Variants in SIPA1L2 observed in about 807,000 individuals in gnomAD.
SIPA1L2 encodes signal induced proliferation associated 1 like 2.
SIPA1L2 carries 56 observed loss-of-function variants against 163.9 expected under a neutral mutation model. That is an observed-to-expected ratio of 0.34 (90% confidence interval 0.28 to 0.43). SIPA1L2 has a LOEUF of 0.43. Ranked by LOEUF, SIPA1L2 falls within the 20% of genes least tolerant of loss-of-function variation. The probability of loss-of-function intolerance (pLI) is 1.00; values close to 1 mark genes in which losing one functional copy is unlikely to be tolerated. For synonymous variants in SIPA1L2, 877 were observed against 865.7 expected (o/e 1.01, Z -0.23); for missense variants, 1,974 against 2,193.5 (o/e 0.90, Z 2.00).
chr1:232,570,311 A>G (rs964596629), intron 2 of SIPA1L2, among the ~76,000 whole-genome samples: 1 of 152,222 alleles, frequency 6.6e-6, no homozygotes, highest in African/African-American at 2.4e-5. Flanking sequence ...TAACTTCGCC[A>G]ATGGGAAAAT....
chr1:232,578,260 G>GA (rs11341816), intron 1 of SIPA1L2, among the ~76,000 whole-genome samples: 14,276 of 145,990 alleles, frequency 0.098, 723 homozygotes, highest in South Asian at 0.12. Flanking sequence ...AAATGCACTG[G>GA]AAAAAAAAAA....
chr1:232,588,190 G>C (rs1050768339), intron 1 of SIPA1L2, among the ~76,000 whole-genome samples: 7 of 152,172 alleles, frequency 4.6e-5, no homozygotes, highest in Non-Finnish European at 1.0e-4. Flanking sequence ...GCACCTGTGG[G>C]GTGGACCTAT....
intron 13 of SIPA1L2, 28 bp from the exon 14 acceptor site, chr1:232,441,422 T>C (rs763527597): frequency 6.5e-7 from 1 of 1,549,656 alleles, no homozygotes. Flanking sequence ...AGGAGTTGAA[T>C]TTCCAATTTC....
chr1:232,618,128 A>G (rs1207876907), intron 1 of SIPA1L2, among the ~76,000 whole-genome samples: 3 of 152,208 alleles, frequency 2.0e-5, no homozygotes, highest in Non-Finnish European at 2.9e-5. Flanking sequence ...GGGAAAGTAT[A>G]TGGTGATTAC....
At chr1:232,521,044 G>A (rs921161389) in intron 2 of SIPA1L2, among the ~76,000 whole-genome samples, 13 of 152,110 alleles carry the variant, frequency 8.5e-5, no homozygotes, top group African/African-American at 2.7e-4. Flanking sequence ...ATTTTTGCCT[G>A]GTAAGTTTTT....
Position 232,515,171 on chromosome 1 carries a change from T to C in SIPA1L2, c.169A>G (p.Asn57Asp), listed in dbSNP as rs1667167091. The change falls in exon 3 of 23, where the codon AAT becomes GAT. Residue 57 changes from asparagine to aspartate, a missense_variant. By Grantham distance (23) the Asn-to-Asp change is conservative. Coordinates refer to ENST00000674635, the MANE Select transcript of SIPA1L2 (RefSeq NM_020808.5). ...GCCGGACCACCACCGCCAGTCTCAT[T>C]GGAATTCGAGGCATTTAAAGAAGTA... ...PTTSLNASNS[N>D]ETGGGGPANG... 6.2e-7 allele frequency: 1 copy of C among 1,614,158 alleles called. No homozygotes were observed. Among genetic ancestry groups the C allele is most frequent in the Admixed American group, 1.7e-5 (1 of 60,020 alleles).
In SIPA1L2 at chr1:232,465,509, CATAT is replaced by C; in HGVS notation, c.2244-97_2244-94del. 9.7e-6 allele frequency: 9 copies of C among 924,252 alleles called. No individual in the cohort carries two copies. Among genetic ancestry groups the C allele is most frequent in the Non-Finnish European group, 1.3e-5 (8 of 608,622 alleles). 57.3% of individuals were successfully genotyped at this position (924,252 alleles called of 1,614,324 possible). ...TGACATATATATACACACACACACACATATACATACACACACACACACACATATA... is the reference window on the plus strand; with the variant it reads ...TGACATATATATACACACACACACACACATACACACACACACACACATATA... On this transcript the variant is annotated intron_variant, in intron 8 of 22. Coordinates refer to ENST00000674635, the MANE Select transcript of SIPA1L2 (RefSeq NM_020808.5). This position sits in a 1 kb window ranked among gnomAD's most constrained non-coding sequence, Gnocchi z 4.1.
intron 2 of SIPA1L2, among the ~76,000 whole-genome samples, 117 bp downstream of exon 2, chr1:232,574,057 C>G (rs1573107549): frequency 6.6e-6 from 1 of 152,118 alleles, no homozygotes; most frequent in East Asian, 1.9e-4. Context: ...AAAACATACA[C>G]TCTATCAGCC....
At chr1:232,522,093 C>T (rs1307948237) in intron 2 of SIPA1L2, among the ~76,000 whole-genome samples, 12 of 152,178 alleles carry the variant, frequency 7.9e-5, no homozygotes. Flanking sequence ...ATTTTACCTT[C>T]CAAATACTCC....
chr1:232,464,010 T>C (rs1664380975), intron 9 of SIPA1L2, among the ~76,000 whole-genome samples: 1 of 152,186 alleles, frequency 6.6e-6, no homozygotes, highest in African/African-American at 2.4e-5. Context: ...ATTTCTCCTT[T>C]TCTCATGATC....
intron 8 of SIPA1L2, among the ~76,000 whole-genome samples, chr1:232,469,507 G>A (rs1448087578): frequency 1.3e-5 from 2 of 152,132 alleles, no homozygotes; most frequent in Non-Finnish European, 2.9e-5. Context: ...GATTCTTCAA[G>A]AAATACTAGT....
At chr1:232,468,695 A>T (rs1045996814) in intron 8 of SIPA1L2, among the ~76,000 whole-genome samples, 1 of 152,212 alleles carries the variant, frequency 6.6e-6, no homozygotes, top group Non-Finnish European at 1.5e-5. Context: ...TAGATTTTCT[A>T]AAAAATGGCA....
chr1:232,523,109 A>G (rs1361291255), intron 2 of SIPA1L2, among the ~76,000 whole-genome samples: 2 of 152,230 alleles, frequency 1.3e-5, no homozygotes, highest in African/African-American at 4.8e-5. Flanking sequence ...CTGTATTAGA[A>G]TATGGCTTTT....
At chr1:232,410,984 T>C (rs899214230) in intron 19 of SIPA1L2, among the ~76,000 whole-genome samples, 1 of 152,116 alleles carries the variant, frequency 6.6e-6, no homozygotes, top group Non-Finnish European at 1.5e-5. Context: ...AAGTGCATCA[T>C]CTTATACCAT....
chr1:232,617,129 C>G (rs1338187459), intron 1 of SIPA1L2, among the ~76,000 whole-genome samples: 1 of 152,194 alleles, frequency 6.6e-6, no homozygotes, highest in Non-Finnish European at 1.5e-5. Flanking sequence ...AGATTTATTT[C>G]CATTCACCTA....
chr1:232,544,007 T>A (rs1446073279), intron 2 of SIPA1L2, among the ~76,000 whole-genome samples: 1 of 152,232 alleles, frequency 6.6e-6, no homozygotes. Context: ...CAACTGTACT[T>A]CAGAAAGACT....
intron 1 of SIPA1L2, among the ~76,000 whole-genome samples, chr1:232,623,387 C>T (rs892219073): frequency 2.0e-5 from 3 of 152,090 alleles, no homozygotes; most frequent in African/African-American, 4.8e-5. Flanking sequence ...GGGCAGATCA[C>T]GAGGTCAGGA....
intron 7 of SIPA1L2, among the ~76,000 whole-genome samples, chr1:232,478,494 G>C (rs1246180070): frequency 6.6e-6 from 1 of 152,138 alleles, no homozygotes; most frequent in Admixed American, 6.5e-5. Context: ...TGCAGAATTA[G>C]ACTAAATTTA....
chr1:232,402,600 T>C, intron 21 of SIPA1L2, 127 bp from the exon 22 acceptor site: 1 of 712,486 alleles, frequency 1.4e-6, no homozygotes, highest in Non-Finnish European at 2.2e-6. Flanking sequence ...TTATATTATG[T>C]CAGAATGGGA....
Sources: gnomAD v4.1 joint callset for allele counts (sites outside exome capture counted in the v4.1 genomes callset) on GRCh38, gnomAD v4.1.1 for gene constraint, Gnocchi (gnomAD v3.1) non-coding constraint, MANE v1.5 for transcripts, NCBI Gene and HGNC (gene_info 2026-07-23, HGNC 2026-07-21) for gene names.